Variants in ALOXE3 observed in about 807,000 individuals in gnomAD.
ALOXE3 encodes the protein hydroperoxide isomerase ALOXE3.
In ALOXE3, 78 loss-of-function variants were observed where a neutral mutation model predicts 87.5. The observed-to-expected ratio is 0.89, with a 90% CI of 0.74 to 1.08. The LOEUF is 1.08. Ranked by LOEUF, ALOXE3 falls within the 50% of genes least tolerant of loss-of-function variation. The probability of loss-of-function intolerance (pLI) is 0.00; values close to 1 mark genes in which losing one functional copy is unlikely to be tolerated. For missense variants in ALOXE3, 946 were observed against 912.4 expected (o/e 1.04, Z -0.47); for synonymous variants, 363 against 370.8 (o/e 0.98, Z 0.24).
chr17:8,113,832 G>A (rs1218187360), intron 6 of ALOXE3, among the ~76,000 whole-genome samples: 1 of 152,038 alleles, frequency 6.6e-6, no homozygotes, highest in Non-Finnish European at 1.5e-5. Context: ...TTTGAGACCA[G>A]CCTAACCAAC....
intron 15 of ALOXE3, among the ~76,000 whole-genome samples, chr17:8,097,362 T>C (rs565750804): frequency 6.6e-6 from 1 of 152,050 alleles, no homozygotes; most frequent in Admixed American, 6.6e-5. Context: ...GAACCACACC[T>C]TTCATACAAC....
rs56837752 is a variant in ALOXE3, at chr17:8,111,816, T to TG, written c.784+276dup. On this transcript the variant is annotated intron_variant, in intron 7 of 15. Coordinates refer to ENST00000448843, the MANE Select transcript of ALOXE3 (RefSeq NM_021628.3). ...GGGGAAGAGAGTCGTGTGTCCCTGA[T>TG]GAGGATCAAGATTCCCTAAATGACT... 0.11 allele frequency among the ~76,000 whole-genome samples: 16,044 copies of TG among 151,656 alleles called. 1,760 individuals are homozygous for TG. Among genetic ancestry groups the TG allele is most frequent in the African/African-American group, 0.28 (11,563 of 41,324 alleles).
intron 7 of ALOXE3, 74 bp from the exon 8 acceptor site, chr17:8,111,605 T>C (rs1980097220): frequency 6.5e-7 from 1 of 1,535,154 alleles, no homozygotes; most frequent in South Asian, 1.1e-5. Flanking sequence ...AGTCCTTTGC[T>C]TATCATTGTG....
At chr17:8,105,825 G>C (rs1281721197) in intron 13 of ALOXE3, among the ~76,000 whole-genome samples, 3 of 149,722 alleles carry the variant, frequency 2.0e-5, no homozygotes, top group Non-Finnish European at 4.4e-5. Flanking sequence ...TGAGGCATGA[G>C]GATCACTTGA....
At position 8,114,543 on chromosome 17, in the gene ALOXE3, C is replaced by T; in HGVS notation, c.621G>A (p.Glu207=). Residue 207 remains glutamate, a synonymous_variant, in exon 6 of 16, where the codon GAG becomes GAA. Coordinates refer to ENST00000448843, the MANE Select transcript of ALOXE3 (RefSeq NM_021628.3). ...TGGTGGCTGAGTATCGAACATTGGG[C>T]TCCATGTACATCAGGGATGGGATGT... The part of the protein sequence containing the change: ...KIDIPSLMYM[E]PNVRYSATKT... 2 of 1,613,904 alleles carry T rather than the reference C, an allele frequency of 1.2e-6. No homozygotes were observed. The highest frequency in any genetic ancestry group is 1.7e-6 in the Non-Finnish European group (2 of 1,179,958).
At chr17:8,117,003 C>G (rs562428823) in intron 2 of ALOXE3, 23 bp from the exon 3 acceptor site, 2 of 1,609,282 alleles carry the variant, frequency 1.2e-6, no homozygotes, top group South Asian at 1.1e-5. Context: ...AGACAGCAAG[C>G]AGGTGAGAGG....
chr17:8,113,417 C>A (rs1248502579), intron 6 of ALOXE3, among the ~76,000 whole-genome samples: 2 of 152,206 alleles, frequency 1.3e-5, no homozygotes, highest in Non-Finnish European at 2.9e-5. Flanking sequence ...CTTTGGGAGG[C>A]CAAGATGGGC....
chr17:8,117,022 T>C (rs1980661354), intron 2 of ALOXE3, 42 bp from the exon 3 acceptor site: 2 of 1,586,494 alleles, frequency 1.3e-6, no homozygotes, highest in Non-Finnish European at 1.7e-6. Flanking sequence ...GGCGGGGAAC[T>C]GCCAAGGCGG....
At chr17:8,107,807 A>G (rs1411894376) in intron 13 of ALOXE3, among the ~76,000 whole-genome samples, 4 of 40,144 alleles carry the variant, frequency 1.0e-4, no homozygotes, top group East Asian at 8.3e-4. Context: ...TCAAAAAAAA[A>G]AACAAGAAAG....
At chr17:8,111,124 G>A (rs1429363576) in intron 8 of ALOXE3, among the ~76,000 whole-genome samples, 5 of 152,154 alleles carry the variant, frequency 3.3e-5, no homozygotes, top group African/African-American at 4.8e-5. Flanking sequence ...CACCCTGCGC[G>A]TTCACACCAT....
At position 8,110,077 on chromosome 17, in the gene ALOXE3, C is replaced by A. The variant is rs764522136; in HGVS notation, c.1305+15G>T. On this transcript the variant is annotated intron_variant, in intron 10 of 15. Coordinates refer to ENST00000448843, the MANE Select transcript of ALOXE3 (RefSeq NM_021628.3). ...CGGCCCCTGCCCCGCTGGGCCCCCA[C>A]CCGGGGTCGCGGACCTTGTAGATGG... 2 of 1,472,482 alleles carry A rather than the reference C, an allele frequency of 1.4e-6. No homozygotes were observed. Among genetic ancestry groups the A allele is most frequent in the South Asian group, 2.4e-5 (2 of 83,496 alleles). The allele number at this position is 1,472,482 out of a possible 1,614,324, so 91.2% of individuals were successfully genotyped here.
chr17:8,110,174 T>C lies in ALOXE3; in HGVS notation c.1223A>G (p.His408Arg). ...GCACAGCAAATGCGTGCACAGAAAG[T>C]GCGTGTTGTTTTCGTGCACCAGGAA... ...SEFLVHENNT[H>R]FLCTHLLCEA... is the part of the protein sequence containing the mutation. Residue 408 changes from histidine to arginine, a missense_variant, in exon 10 of 16, where the codon CAC becomes CGC. By Grantham distance (29) the His-to-Arg change is conservative. Transcript: ENST00000448843. 6.2e-7 allele frequency: 1 copy of C among 1,613,998 alleles called. No individual in the cohort carries two copies.
chr17:8,108,432 C>A, intron 13 of ALOXE3, 36 bp downstream of exon 13: 2 of 1,608,976 alleles, frequency 1.2e-6, no homozygotes, highest in South Asian at 1.1e-5. Context: ...GCTAGCTCAT[C>A]AGAGCTACAC....
At chr17:8,117,289 A>G (rs969124899) in intron 2 of ALOXE3, among the ~76,000 whole-genome samples, 4 of 152,254 alleles carry the variant, frequency 2.6e-5, no homozygotes, top group Non-Finnish European at 5.9e-5. Flanking sequence ...GCGTCGTGGC[A>G]GGCGCCTGTA....
At position 8,117,836 on chromosome 17, in the gene ALOXE3, G is replaced by T; in HGVS notation, c.147+8C>A. 1 of 1,609,724 alleles carries T rather than the reference G, an allele frequency of 6.2e-7. No individual in the cohort carries two copies. Among genetic ancestry groups the T allele is most frequent in the Non-Finnish European group, 8.5e-7 (1 of 1,179,072 alleles). On this transcript the variant is annotated splice_region_variant and intron_variant, in intron 2 of 15. Coordinates refer to ENST00000448843, the MANE Select transcript of ALOXE3 (RefSeq NM_021628.3). ...GAGGTCGCGCTTCCCTGTCTCCTTTGTACTCACCGATCCAGGGGCGAAGTC... is the reference window on the plus strand; with the variant it reads ...GAGGTCGCGCTTCCCTGTCTCCTTTTTACTCACCGATCCAGGGGCGAAGTC...
Position 8,108,456 on chromosome 17 carries a change from G to A in ALOXE3, c.1684+12C>T. 1 of 1,612,054 alleles carries A rather than the reference G, an allele frequency of 6.2e-7. No homozygotes were observed. Among genetic ancestry groups the A allele is most frequent in the Non-Finnish European group, 8.5e-7 (1 of 1,178,836 alleles). ...TCAGAGCTACACGGAAAGTGGGATA[G>A]AGAGGGGATACCTGAGCTTTCCCGG... On this transcript the variant is annotated intron_variant, in intron 13 of 15. Coordinates refer to ENST00000448843, the MANE Select transcript of ALOXE3 (RefSeq NM_021628.3).
At chr17:8,117,096 C>G (rs1980668096) in intron 2 of ALOXE3, 116 bp from the exon 3 acceptor site, 2 of 956,984 alleles carry the variant, frequency 2.1e-6, no homozygotes, top group Non-Finnish European at 3.2e-6. Flanking sequence ...CTGAGCTGCT[C>G]CCAGCCCATA....
Position 8,108,008 on chromosome 17 carries a change from A to G in ALOXE3, c.1684+460T>C, listed in dbSNP as rs530083202. On this transcript the variant is annotated intron_variant, in intron 13 of 15. Coordinates refer to ENST00000448843, the MANE Select transcript of ALOXE3 (RefSeq NM_021628.3). ...AAAGAAAGAAAGGAAGGAAAGAAAG[A>G]AAGAAAGAAAGAAAGAAAGAAAGAA... Among the ~76,000 whole-genome samples, 6 of 61,436 alleles carry G rather than the reference A, an allele frequency of 9.8e-5. 1 individual carries two copies. Among genetic ancestry groups the G allele is most frequent in the Non-Finnish European group, 1.5e-4 (4 of 26,286 alleles). 40.3% of individuals were successfully genotyped at this position (61,436 alleles called of 152,430 possible).
chr17:8,097,747 CTT>C (rs60450170), intron 15 of ALOXE3, among the ~76,000 whole-genome samples: 126 of 129,358 alleles, frequency 9.7e-4, no homozygotes, highest in South Asian at 2.4e-3. Context: ...TACTACTGAT[CTT>C]TTTTTTTTTT....
Sources: gnomAD v4.1 joint callset for allele counts (sites outside exome capture counted in the v4.1 genomes callset) on GRCh38, gnomAD v4.1.1 for gene constraint, MANE v1.5 for transcripts, NCBI Gene and HGNC (gene_info 2026-07-23, HGNC 2026-07-21) for gene names.